Variants in VRK2 observed in about 807,000 individuals in gnomAD.
The protein encoded by VRK2 is VRK serine/threonine kinase 2.
VRK2 carries 60 observed loss-of-function variants against 57.6 expected under a neutral mutation model. That is an observed-to-expected ratio of 1.04 (90% CI 0.85 to 1.29). The LOEUF (loss-of-function observed/expected upper bound fraction) is 1.29, where lower values mean the gene tolerates loss of function less well. Among genes scored for constraint, VRK2 ranks in the 50% most tolerant of loss-of-function variants. VRK2 has a pLI of 0.00. For synonymous variants in VRK2, 231 were observed against 199.2 expected (o/e 1.16, Z -1.35); for missense variants, 705 against 588.1 (o/e 1.20, Z -2.06).
upstream of VRK2, among the ~76,000 whole-genome samples, chr2:58,045,074 G>C (rs984074026): frequency 3.3e-5 from 5 of 152,222 alleles, no homozygotes; most frequent in Non-Finnish European, 7.3e-5. Context: ...AGCGAAGACT[G>C]GCTAATTGTG....
At chr2:57,952,858 C>T (rs747672894) in intron 1 of VRK2, among the ~76,000 whole-genome samples, 1 of 152,090 alleles carries the variant, frequency 6.6e-6, no homozygotes, top group African/African-American at 2.4e-5. Context: ...CTAAAGTCTG[C>T]CATGGATTTG....
intron 2 of VRK2, among the ~76,000 whole-genome samples, chr2:58,030,003 T>C (rs1349552603): frequency 6.6e-6 from 1 of 152,166 alleles, no homozygotes; most frequent in Non-Finnish European, 1.5e-5. Context: ...TTACTTTTCA[T>C]CTACGTTAGC....
At chr2:57,932,598 C>T (rs933881485) in intron 1 of VRK2, among the ~76,000 whole-genome samples, 11 of 151,888 alleles carry the variant, frequency 7.2e-5, no homozygotes, top group African/African-American at 2.7e-4. Flanking sequence ...TTACTTAGTC[C>T]AGCTAAAGGT....
At chr2:57,987,544 C>T (rs1672636382) in intron 1 of VRK2, among the ~76,000 whole-genome samples, 1 of 152,070 alleles carries the variant, frequency 6.6e-6, no homozygotes, top group Non-Finnish European at 1.5e-5. Flanking sequence ...AATCCTCATA[C>T]ATTATTGGTG....
At chr2:57,991,826 C>T (rs1003063127) in intron 1 of VRK2, among the ~76,000 whole-genome samples, 2 of 150,716 alleles carry the variant, frequency 1.3e-5, no homozygotes, top group Admixed American at 6.6e-5. Context: ...GGCGTGGTGG[C>T]GCACTCCTGT....
chr2:58,017,068 T>C (rs566718191), intron 1 of VRK2, among the ~76,000 whole-genome samples: 2 of 152,014 alleles, frequency 1.3e-5, no homozygotes, highest in Non-Finnish European at 2.9e-5. Context: ...AATCTGGGAG[T>C]CCCAAGTGGC....
At chr2:58,084,856 AAATT>A in intron 3 of VRK2, 21 bp from the exon 4 acceptor site, 2 of 1,415,736 alleles carry the variant, frequency 1.4e-6, no homozygotes. Context: ...TTTTCTAGTA[AAATT>A]AATTATTCTT....
At chr2:58,091,031 T>G (rs1053784243) in intron 7 of VRK2, among the ~76,000 whole-genome samples, 7 of 152,150 alleles carry the variant, frequency 4.6e-5, no homozygotes, top group African/African-American at 1.7e-4. Context: ...AAAAGATCAA[T>G]TTTTTACTAT....
At chr2:58,082,012 A>C (rs1670951720) in intron 2 of VRK2, among the ~76,000 whole-genome samples, 2 of 151,748 alleles carry the variant, frequency 1.3e-5, no homozygotes, top group African/African-American at 4.8e-5. Flanking sequence ...TAACCAGAAC[A>C]ATCTCTTTGT....
At chr2:58,159,251 G>T (rs971755352) in intron 12 of VRK2, 98 bp from the exon 13 acceptor site, 4 of 925,890 alleles carry the variant, frequency 4.3e-6, no homozygotes, top group Non-Finnish European at 4.8e-6. Flanking sequence ...ACTTGATCTT[G>T]TATAACATTT....
rs1482929554 is a variant in VRK2 at position 57,921,292 on chromosome 2, A to G, written c.-439+13453A>G. ...CCAGGTAATTCTTAAGCGCGCACAC[A>G]CACACACACACACACACACTCACAC... On this transcript the variant is annotated intron_variant, in intron 1 of 15. Coordinates refer to the VRK2 transcript ENST00000417641. Among the ~76,000 whole-genome samples the G allele has an allele frequency of 2.7e-5, 4 of 149,718 alleles. No individual in the cohort carries two copies. In the South Asian group the frequency reaches 6.3e-4, roughly 23 times the overall value.
In VRK2 at chr2:58,083,240, A is replaced by AGGAAT. The variant is rs1278670345; in HGVS notation, c.137-849_137-848insGGAAT. Among the ~76,000 whole-genome samples the AGGAAT allele has an allele frequency of 6.5e-4, 98 of 151,902 alleles. 2 individuals are homozygous for AGGAAT. In the South Asian group the frequency reaches 0.02, roughly 31 times the overall value. ...TCTTGATAAATATTTTAGCTATTTA[A>AGGAAT]ATGAGTAAAGGAATGAATGGATGGA... On this transcript the variant is annotated intron_variant, in intron 2 of 12. Transcript: ENST00000340157.
chr2:58,045,324 A>G (rs368787761), upstream of VRK2, among the ~76,000 whole-genome samples: 49 of 152,326 alleles, frequency 3.2e-4, no homozygotes, highest in South Asian at 9.5e-3. Context: ...CACTGGATAC[A>G]TGCCTGTAGG....
intron 1 of VRK2, among the ~76,000 whole-genome samples, chr2:57,940,669 T>C (rs1000664796): frequency 6.6e-6 from 1 of 152,202 alleles, no homozygotes; most frequent in Non-Finnish European, 1.5e-5. Flanking sequence ...TTATTTTACA[T>C]ACATTTATTT....
chr2:58,067,420 T>C (rs1158247002), intron 2 of VRK2, among the ~76,000 whole-genome samples: 1 of 152,184 alleles, frequency 6.6e-6, no homozygotes, highest in Non-Finnish European at 1.5e-5. Context: ...TTGTCAAATT[T>C]ATGGGTATAG....
rs150430278 is a variant in VRK2 at position 58,013,503 on chromosome 2, T to G, written c.-438-12162T>G. ...CTGAAATGTTTGAATCTGTAATTCC[T>G]TTTCTATATTTTTATAAATAAGTAA... is the stretch of plus-strand genomic sequence containing the variant. On this transcript the variant is annotated intron_variant, in intron 1 of 15. Transcript: ENST00000417641. 5.9e-3 allele frequency among the ~76,000 whole-genome samples: 901 copies of G among 152,354 alleles called. 6 individuals carry two copies. The highest frequency in any genetic ancestry group is 0.014 in the Middle Eastern group (4 of 294).
chr2:57,915,430 C>A (rs893935919), intron 1 of VRK2, among the ~76,000 whole-genome samples: 4 of 151,972 alleles, frequency 2.6e-5, no homozygotes, highest in Non-Finnish European at 5.9e-5. Flanking sequence ...CATGTTCTAC[C>A]ATCACATATT....
intron 2 of VRK2, among the ~76,000 whole-genome samples, chr2:58,074,163 T>C (rs545556935): frequency 2.6e-5 from 4 of 152,282 alleles, no homozygotes; most frequent in African/African-American, 9.6e-5. Context: ...CCTTTACTTT[T>C]AATTTATCTG....
intron 5 of VRK2, among the ~76,000 whole-genome samples, chr2:58,086,792 A>G (rs1315108574): frequency 6.6e-6 from 1 of 152,230 alleles, no homozygotes; most frequent in African/African-American, 2.4e-5. Flanking sequence ...GGGTCTTTGC[A>G]TAAGCTACCT....
Sources: allele counts gnomAD v4.1 joint callset (sites outside exome capture counted in the v4.1 genomes callset), GRCh38; gene constraint gnomAD v4.1.1; transcripts MANE v1.5; gene names NCBI Gene and HGNC (gene_info 2026-07-23, HGNC 2026-07-21).